Variants in FRMD6 observed in about 807,000 individuals in gnomAD.
FRMD6 encodes FERM domain-containing protein 6.
In FRMD6, 37 loss-of-function variants were observed where a neutral mutation model predicts 73.2. The observed-to-expected ratio is 0.51, with a 90% CI of 0.39 to 0.66. The LOEUF (loss-of-function observed/expected upper bound fraction) is 0.66, where lower values mean the gene tolerates loss of function less well. FRMD6 is among the 30% of genes least tolerant of loss of function. The pLI, the probability that FRMD6 is intolerant of heterozygous loss-of-function variation, is 0.00. For missense variants in FRMD6, 714 were observed against 780.5 expected (o/e 0.91, Z 1.02); for synonymous variants, 273 against 282.2 (o/e 0.97, Z 0.33).
intron 1 of FRMD6, among the ~76,000 whole-genome samples, chr14:51,569,726 T>C (rs916313053): frequency 2.0e-5 from 3 of 151,790 alleles, no homozygotes; most frequent in Admixed American, 6.6e-5. Flanking sequence ...ACTCTCAAAC[T>C]CCTAGGCTCA....
At chr14:51,404,224 G>T in the FRMD6 span, among the ~76,000 whole-genome samples, 1 of 152,050 alleles carries the variant, frequency 6.6e-6, no homozygotes, top group African/African-American at 2.4e-5. Context: ...TTTGGAATAT[G>T]TTCAAGCTTT....
chr14:51,670,955 G>A (rs1893965934), intron 1 of FRMD6, among the ~76,000 whole-genome samples: 1 of 152,148 alleles, frequency 6.6e-6, no homozygotes, highest in Non-Finnish European at 1.5e-5. Context: ...CGGTTTGTAT[G>A]TTTTATCATG....
At chr14:51,581,385 C>G (rs1888714402) in intron 2 of FRMD6, among the ~76,000 whole-genome samples, 1 of 152,208 alleles carries the variant, frequency 6.6e-6, no homozygotes, top group African/African-American at 2.4e-5. Context: ...CAATTCCCCA[C>G]TCTCAAGTTT....
chr14:51,529,745 T>A (rs771583126), intron 1 of FRMD6, among the ~76,000 whole-genome samples: 2 of 152,226 alleles, frequency 1.3e-5, no homozygotes, highest in Non-Finnish European at 2.9e-5. Context: ...CCTGAGGTGA[T>A]ATCTCATAAC....
chr14:51,569,842 G>A (rs118042558), intron 1 of FRMD6, among the ~76,000 whole-genome samples: 5,640 of 142,038 alleles, frequency 0.04, 143 homozygotes, highest in Non-Finnish European at 0.056. Flanking sequence ...TTTTGAGACC[G>A]TCTGGCTCTG....
chr14:51,486,068 A>T (rs924443845), upstream of FRMD6, among the ~76,000 whole-genome samples: 11 of 146,416 alleles, frequency 7.5e-5, no homozygotes, highest in Admixed American at 7.6e-4. Flanking sequence ...GGAGTCTCGC[A>T]CTGTCACCCA....
chr14:51,650,448 T>C (rs2884099), upstream of FRMD6: 1 of 139,126 alleles, frequency 7.2e-6, no homozygotes, highest in Non-Finnish European at 1.5e-5. Flanking sequence ...CAGGCTGGAG[T>C]GCAGTGGCGG....
At chr14:51,429,423 GA>G in the FRMD6 span, among the ~76,000 whole-genome samples, 1 of 71,518 alleles carries the variant, frequency 1.4e-5, no homozygotes, top group Non-Finnish European at 2.9e-5. Flanking sequence ...TAGTCATGAA[GA>G]TTTTTTTTTG....
At chr14:51,448,843 C>T in the FRMD6 span, among the ~76,000 whole-genome samples, 4 of 152,268 alleles carry the variant, frequency 2.6e-5, no homozygotes, top group South Asian at 2.1e-4. Flanking sequence ...CCCAGCTCGT[C>T]GTGGGTATAA....
At chr14:51,439,839 T>C in the FRMD6 span, among the ~76,000 whole-genome samples, 1 of 152,242 alleles carries the variant, frequency 6.6e-6, no homozygotes, top group Non-Finnish European at 1.5e-5. Context: ...AAATTATTGC[T>C]AGCGTAACCA....
At chr14:51,472,120 C>T in the FRMD6 span, among the ~76,000 whole-genome samples, 1 of 151,996 alleles carries the variant, frequency 6.6e-6, no homozygotes, top group African/African-American at 2.4e-5. Context: ...TAAGAATATG[C>T]ATATATTTCC....
In FRMD6 at chr14:51,575,463, G is replaced by A. The variant is rs901118471; in HGVS notation, c.-147+5053G>A. On this transcript the variant is annotated intron_variant, in intron 2 of 14. Coordinates refer to the FRMD6 transcript ENST00000356218. ...CTCCTGCAGATGCAGATGCTCCTTG[G>A]TTGAGCTAAGTGGAAATTCCCTTCT... is the stretch of plus-strand genomic sequence containing the variant. Among the ~76,000 whole-genome samples the A allele has an allele frequency of 3.9e-5, 6 of 152,340 alleles. No homozygotes were observed. The East Asian group carries it at 1.2e-3, about 29-fold the overall frequency.
chr14:51,568,907 GC>G (rs1295352455), intron 1 of FRMD6, among the ~76,000 whole-genome samples: 1 of 149,268 alleles, frequency 6.7e-6, no homozygotes, highest in Non-Finnish European at 1.5e-5. Context: ...GTGCAATGGC[GC>G]AGTCTCGGCT....
chr14:51,637,465 G>GCGCGCGCACA (rs377260843), intron 2 of FRMD6: 2 of 132,566 alleles, frequency 1.5e-5, no homozygotes, highest in Non-Finnish European at 3.2e-5. Flanking sequence ...ATACACACAG[G>GCGCGCGCACA]CACACACACA....
chr14:51,504,283 T>G (rs909235901), intron 1 of FRMD6, among the ~76,000 whole-genome samples: 5 of 152,192 alleles, frequency 3.3e-5, no homozygotes, highest in African/African-American at 4.8e-5. Context: ...ACAGCAAAGA[T>G]GGCAGCCAGT....
In FRMD6 at chr14:51,725,773, T is replaced by C; in HGVS notation, c.1493-6T>C. 6.2e-7 allele frequency: 1 copy of C among 1,604,856 alleles called. No homozygotes were observed. Among genetic ancestry groups the C allele is most frequent in the Non-Finnish European group, 8.5e-7 (1 of 1,171,748 alleles). On this transcript the variant is annotated splice_polypyrimidine_tract_variant and splice_region_variant and intron_variant, in intron 12 of 13. Transcript: ENST00000344768. ...TTATTGTTTTTATCTCTGTGTTTTA[T>C]TTCAGGGTTGATTGTGAAAGAAATT...
the FRMD6 span, among the ~76,000 whole-genome samples, chr14:51,483,838 G>C: frequency 6.6e-6 from 1 of 152,302 alleles, no homozygotes; most frequent in Non-Finnish European, 1.5e-5. Flanking sequence ...CTTTTATGTA[G>C]AGTGTATTGT....
At chr14:51,415,319 AG>A in the FRMD6 span, among the ~76,000 whole-genome samples, 1 of 152,152 alleles carries the variant, frequency 6.6e-6, no homozygotes, top group Non-Finnish European at 1.5e-5. Flanking sequence ...TATTATTTTG[AG>A]GTAGGTTCCA....
At chr14:51,396,753 T>A in the FRMD6 span, among the ~76,000 whole-genome samples, 1 of 152,240 alleles carries the variant, frequency 6.6e-6, no homozygotes, top group East Asian at 1.9e-4. Flanking sequence ...TTGGGGAGTC[T>A]GTAGGCCAAA....
Sources: gnomAD v4.1 joint callset for allele counts (sites outside exome capture counted in the v4.1 genomes callset) on GRCh38, gnomAD v4.1.1 for gene constraint, MANE v1.5 for transcripts, NCBI Gene and HGNC (gene_info 2026-07-23, HGNC 2026-07-21) for gene names.